TCHP: variants seen among roughly 807,000 people sequenced by gnomAD.
TCHP encodes the protein trichoplein keratin filament-binding protein.
In TCHP, 81 loss-of-function variants were observed where a neutral mutation model predicts 88.7. The ratio of observed to expected loss-of-function variants is 0.91; its 90% CI spans 0.76 to 1.10. The LOEUF (loss-of-function observed/expected upper bound fraction) is 1.10, where lower values mean the gene tolerates loss of function less well. Ranked by LOEUF, TCHP falls within the 50% of genes least tolerant of loss-of-function variation. The probability of loss-of-function intolerance (pLI) is 0.00; values close to 1 mark genes in which losing one functional copy is unlikely to be tolerated. For synonymous variants in TCHP, 232 were observed against 232.5 expected (o/e 1.00, Z 0.02); for missense variants, 641 against 632.1 (o/e 1.01, Z -0.15).
chr12:109,906,882 G>C (rs928614960), intron 5 of TCHP, among the ~76,000 whole-genome samples: 6 of 152,110 alleles, frequency 3.9e-5, no homozygotes, highest in Admixed American at 2.0e-4. Context: ...GGCACATACA[G>C]CACGCGTCTT....
chr12:109,908,131 G>GAGTT (rs111655900), intron 6 of TCHP, among the ~76,000 whole-genome samples: 28,467 of 151,970 alleles, frequency 0.19, 4,875 homozygotes, highest in African/African-American at 0.47. Context: ...TTCCTTGAAA[G>GAGTT]AGATCTTTCT....
At chr12:109,894,464 A>G in the TCHP span, among the ~76,000 whole-genome samples, 1 of 138,318 alleles carries the variant, frequency 7.2e-6, no homozygotes, top group African/African-American at 3.0e-5. Context: ...CTCCGTCTCA[A>G]AAAAAAAAAA....
At chr12:109,881,428 CTG>C in the TCHP span, among the ~76,000 whole-genome samples, 1 of 152,224 alleles carries the variant, frequency 6.6e-6, no homozygotes, top group Admixed American at 6.5e-5. Context: ...GTAAATGACT[CTG>C]TGACTTCACT....
At chr12:109,893,257 T>A in the TCHP span, among the ~76,000 whole-genome samples, 1,343 of 151,980 alleles carry the variant, frequency 8.8e-3, 25 homozygotes, top group African/African-American at 0.031. Flanking sequence ...TGCATGCCTG[T>A]AATCCCAGCT....
At position 109,917,369 on chromosome 12, in the gene TCHP, C is replaced by G. The variant is rs1870876271; in HGVS notation, c.*746C>G. On this transcript the variant is annotated 3_prime_UTR_variant, in exon 13 of 13. Transcript: ENST00000405876. Reference sequence around the variant, plus strand: ...GGCACGTGCCTTTAGTCCCAGCTACCCGGGAGGCTGCGGCAAGAGGATTGC... The same window carrying G: ...GGCACGTGCCTTTAGTCCCAGCTACGCGGGAGGCTGCGGCAAGAGGATTGC... The G allele has an allele frequency of 6.6e-6, 1 of 152,150 alleles. No individual in the cohort carries two copies. The highest frequency in any genetic ancestry group is 1.5e-5 in the Non-Finnish European group (1 of 68,046). 9.4% of individuals were successfully genotyped at this position (152,150 alleles called of 1,614,324 possible).
chr12:109,889,496 C>T, the TCHP span, among the ~76,000 whole-genome samples: 1 of 152,146 alleles, frequency 6.6e-6, no homozygotes, highest in South Asian at 2.1e-4. Flanking sequence ...GGAAGAAAAT[C>T]TATTCTTGCC....
chr12:109,891,482 C>T, the TCHP span, among the ~76,000 whole-genome samples: 155 of 151,936 alleles, frequency 1.0e-3, 1 homozygote, highest in African/African-American at 3.7e-3. Context: ...CAACCTCCAC[C>T]TCCCAGGTTC....
At chr12:109,909,052 G>A in intron 8 of TCHP, 115 bp downstream of exon 8, 1 of 972,518 alleles carries the variant, frequency 1.0e-6, no homozygotes, top group Non-Finnish European at 1.6e-6. Flanking sequence ...GGGGTTGGGG[G>A]AAAGGGGAGA....
At position 109,905,656 on chromosome 12, in the gene TCHP, G is replaced by A. The variant is rs560165505; in HGVS notation, c.456+863G>A. 6.6e-6 allele frequency among the ~76,000 whole-genome samples: 1 copy of A among 152,240 alleles called. No homozygotes were observed. The highest frequency in any genetic ancestry group is 6.5e-5 in the Admixed American group (1 of 15,292). On this transcript the variant is annotated intron_variant, in intron 4 of 12. Transcript: ENST00000405876. This position sits in a 1 kb window ranked among gnomAD's most constrained non-coding sequence, Gnocchi z 4.0. ...AACTTACAGTTTTTGTATACATTTG[G>A]TGCCTTCGTGTTATTCGTAGTTACA...
chr12:109,904,182 C>T, intron 3 of TCHP, 35 bp downstream of exon 3: 2 of 1,535,526 alleles, frequency 1.3e-6, no homozygotes, highest in Non-Finnish European at 1.8e-6. Context: ...GGCTGTGGAG[C>T]AGGAGTGTTC....
At position 109,908,748 on chromosome 12, in the gene TCHP, C is replaced by T. The variant is rs1025617025; in HGVS notation, c.812+50C>T. 1.9e-6 allele frequency: 3 copies of T among 1,556,452 alleles called. No homozygotes were observed. The African/African-American group carries it at 4.1e-5, about 21-fold the overall frequency. On this transcript the variant is annotated intron_variant, in intron 7 of 12. Coordinates refer to ENST00000405876, the MANE Select transcript of TCHP (RefSeq NM_001143852.2). ...TCTTCCCAGGCGGGTGGGCCTCTTG[C>T]TTTTTCAGACTTGCATTCGTGTTGC...
At chr12:109,897,493 A>G (rs1869590276), upstream of TCHP, among the ~76,000 whole-genome samples, 1 of 152,194 alleles carries the variant, frequency 6.6e-6, no homozygotes, top group Admixed American at 6.5e-5. Context: ...AAGAGGCACA[A>G]AATCAGGATC....
intron 9 of TCHP, among the ~76,000 whole-genome samples, chr12:109,912,125 T>C (rs1201598286): frequency 6.6e-6 from 1 of 152,234 alleles, no homozygotes; most frequent in African/African-American, 2.4e-5. Context: ...TGTTGAATGC[T>C]GCTTACATCT....
intron 8 of TCHP, among the ~76,000 whole-genome samples, chr12:109,909,250 C>T (rs1870344127): frequency 1.3e-5 from 2 of 152,144 alleles, no homozygotes; most frequent in Admixed American, 1.3e-4. Flanking sequence ...GGATCCTTTC[C>T]CAGTGTCTGT....
intron 1 of TCHP, 101 bp from the exon 2 acceptor site, chr12:109,902,926 G>T: frequency 1.2e-6 from 1 of 848,546 alleles, no homozygotes; most frequent in Non-Finnish European, 1.8e-6. Context: ...ATTTCACTGT[G>T]CAGCCAAGGG....
At chr12:109,906,110 G>C (rs1870110419) in intron 4 of TCHP, among the ~76,000 whole-genome samples, 2 of 152,212 alleles carry the variant, frequency 1.3e-5, no homozygotes, top group Admixed American at 1.3e-4. Flanking sequence ...TGCTAAACTT[G>C]TTGCACCTAC....
intron 10 of TCHP, among the ~76,000 whole-genome samples, chr12:109,913,321 C>T (rs1592914269): frequency 6.6e-6 from 1 of 152,348 alleles, no homozygotes; most frequent in Non-Finnish European, 1.5e-5. Flanking sequence ...CTTCTGTCTG[C>T]TCTTCTGTTT....
chr12:109,886,722 G>C, the TCHP span, among the ~76,000 whole-genome samples: 2 of 150,906 alleles, frequency 1.3e-5, no homozygotes, highest in Non-Finnish European at 1.5e-5. Context: ...TTTGTTTTTT[G>C]TTTTGAGACA....
At position 109,915,542 on chromosome 12, in the gene TCHP, C is replaced by T. The variant is rs999772070; in HGVS notation, c.1460C>T (p.Pro487Leu). 9 of 1,611,884 alleles carry T rather than the reference C, an allele frequency of 5.6e-6. No individual in the cohort carries two copies. The African/African-American group carries it at 1.2e-4, about 22-fold the overall frequency. Residue 487 changes from proline to leucine, a missense_variant, in exon 12 of 13, where the codon CCT (proline) becomes CTT (leucine). Coordinates refer to ENST00000405876, the MANE Select transcript of TCHP (RefSeq NM_001143852.2). ...ACTATGGCTGAGCAGGGCTACCGGCCTAAGGTAGGAAGTCTGCCAGGATAT... is the reference window on the plus strand; with the variant it reads ...ACTATGGCTGAGCAGGGCTACCGGCTTAAGGTAGGAAGTCTGCCAGGATAT... ...AETMAEQGYR[P>L]KPYGHPKIAW...
Sources: gnomAD v4.1 joint callset for allele counts (sites outside exome capture counted in the v4.1 genomes callset) on GRCh38, gnomAD v4.1.1 for gene constraint, Gnocchi (gnomAD v3.1) non-coding constraint, MANE v1.5 for transcripts, NCBI Gene and HGNC (gene_info 2026-07-23, HGNC 2026-07-21) for gene names.